The following LANCL2 variants were observed in gnomAD, a reference collection of about 807,000 sequenced individuals.
The protein encoded by LANCL2 is LanC like glutathione S-transferase 2.
LANCL2 carries 33 observed loss-of-function variants against 56.9 expected under a neutral mutation model. The ratio of observed to expected loss-of-function variants is 0.58; its 90% CI spans 0.44 to 0.78. The LOEUF is 0.78. Ranked by LOEUF, LANCL2 falls within the 30% of genes least tolerant of loss-of-function variation. The pLI is 0.00. For missense variants in LANCL2, 562 were observed against 580.2 expected (o/e 0.97, Z 0.32); for synonymous variants, 233 against 228.2 (o/e 1.02, Z -0.19).
In LANCL2 at chr7:55,401,769, C is replaced by G. The variant is rs564911268; in HGVS notation, c.825+449C>G. ...TAACGAGCATGCTGCCTTCAAGCAT[C>G]TTGTTTAACAAAGCACATCTTGCAC... is the stretch of plus-strand genomic sequence containing the variant. On this transcript the variant is annotated intron_variant, in intron 5 of 8. Coordinates refer to ENST00000254770, the MANE Select transcript of LANCL2 (RefSeq NM_018697.4). 1.5e-4 allele frequency among the ~76,000 whole-genome samples: 17 copies of G among 115,634 alleles called. 1 individual carries two copies. The South Asian group carries it at 4.3e-3, about 29-fold the overall frequency. The allele number at this position is 115,634 out of a possible 152,430, so 75.9% of individuals were successfully genotyped here.
At chr7:55,378,849 T>G (rs2128991562) in intron 1 of LANCL2, among the ~76,000 whole-genome samples, 1 of 152,298 alleles carries the variant, frequency 6.6e-6, no homozygotes, top group East Asian at 1.9e-4. Flanking sequence ...TATACTCCAG[T>G]AGGCTGGGCG....
intron 6 of LANCL2, among the ~76,000 whole-genome samples, chr7:55,423,529 C>T (rs1790630870): frequency 6.6e-6 from 1 of 152,180 alleles, no homozygotes; most frequent in Non-Finnish European, 1.5e-5. Flanking sequence ...CTTTACAGTT[C>T]ATTTTCAGAG....
chr7:55,400,242 C>T (rs750693862), intron 4 of LANCL2, 138 bp downstream of exon 4: 24 of 631,112 alleles, frequency 3.8e-5, no homozygotes, highest in Non-Finnish European at 5.1e-5. Context: ...AAGAAATAGT[C>T]CCTGCTTTTT....
intron 6 of LANCL2, among the ~76,000 whole-genome samples, chr7:55,412,391 A>G (rs1405346750): frequency 6.6e-6 from 1 of 152,228 alleles, no homozygotes; most frequent in African/African-American, 2.4e-5. Flanking sequence ...ATGGATATCC[A>G]GTAAGGTAGT....
chr7:55,377,493 G>A (rs184951924), intron 1 of LANCL2, among the ~76,000 whole-genome samples: 3 of 149,058 alleles, frequency 2.0e-5, no homozygotes, highest in Admixed American at 1.3e-4. Flanking sequence ...CTTCTGTCTC[G>A]TCTTCCCAAC....
At chr7:55,425,789 G>A (rs929123014) in intron 7 of LANCL2, among the ~76,000 whole-genome samples, 3 of 152,208 alleles carry the variant, frequency 2.0e-5, no homozygotes, top group African/African-American at 7.2e-5. Context: ...TCCTAAGGAT[G>A]TTCCAAGCAG....
intron 6 of LANCL2, among the ~76,000 whole-genome samples, chr7:55,418,126 ATATGT>A (rs1255888862): frequency 6.6e-6 from 1 of 151,282 alleles, no homozygotes; most frequent in Non-Finnish European, 1.5e-5. Flanking sequence ...TTATTCCTAG[ATATGT>A]TATTTATTTA....
chr7:55,408,331 A>G (rs1790433374), intron 5 of LANCL2, among the ~76,000 whole-genome samples: 1 of 152,194 alleles, frequency 6.6e-6, no homozygotes, highest in Non-Finnish European at 1.5e-5. Context: ...GGGAGAACAC[A>G]CAATAGGAGG....
At chr7:55,431,179 C>A in intron 8 of LANCL2, 47 bp from the exon 9 acceptor site, 1 of 1,397,922 alleles carries the variant, frequency 7.2e-7, no homozygotes, top group Non-Finnish European at 1.0e-6. Context: ...CTGTTATAGA[C>A]ACTACCCTTA....
chr7:55,393,010 A>T (rs1015815051), intron 2 of LANCL2, among the ~76,000 whole-genome samples: 1 of 152,194 alleles, frequency 6.6e-6, no homozygotes, highest in African/African-American at 2.4e-5. Context: ...AACAACCAAT[A>T]ATACACTTCA....
At chr7:55,396,231 C>A (rs1278505344) in intron 2 of LANCL2, among the ~76,000 whole-genome samples, 1 of 151,664 alleles carries the variant, frequency 6.6e-6, no homozygotes, top group African/African-American at 2.4e-5. Flanking sequence ...TGAACTTTAC[C>A]TCTAGGAGCT....
At chr7:55,405,937 G>C (rs1790401125) in intron 5 of LANCL2, among the ~76,000 whole-genome samples, 1 of 152,170 alleles carries the variant, frequency 6.6e-6, no homozygotes, top group South Asian at 2.1e-4. Context: ...CTTCCCTGCT[G>C]CACGGTTCGT....
At position 55,425,402 on chromosome 7, in the gene LANCL2, A is replaced by C; in HGVS notation, c.1157A>C (p.Asp386Ala). 1 of 1,614,106 alleles carries C rather than the reference A, an allele frequency of 6.2e-7. No homozygotes were observed. Among genetic ancestry groups the C allele is most frequent in the Non-Finnish European group, 8.5e-7 (1 of 1,179,996 alleles). The change falls in exon 7 of 9, where the codon GAT becomes GCT. Residue 386 changes from aspartate to alanine, a missense_variant. Coordinates refer to ENST00000254770, the MANE Select transcript of LANCL2 (RefSeq NM_018697.4). Reference sequence around the variant, plus strand: ...CTGTCCCTTTACCGTCTCACGCAGGATAAGAAGTACCTCTACCGAGCTTGC... The same window carrying C: ...CTGTCCCTTTACCGTCTCACGCAGGCTAAGAAGTACCTCTACCGAGCTTGC... The part of the protein sequence containing the change: ...SFLSLYRLTQ[D>A]KKYLYRACKF...
At chr7:55,404,860 C>T (rs1790387123) in intron 5 of LANCL2, among the ~76,000 whole-genome samples, 1 of 152,152 alleles carries the variant, frequency 6.6e-6, no homozygotes, top group African/African-American at 2.4e-5. Context: ...GTGATCCACC[C>T]ACCTCAGCCT....
At chr7:55,366,519 C>G (rs1159941367) in intron 1 of LANCL2, among the ~76,000 whole-genome samples, 1 of 152,206 alleles carries the variant, frequency 6.6e-6, no homozygotes, top group African/African-American at 2.4e-5. Flanking sequence ...GCAATGCGGG[C>G]TTGTGCACTC....
rs942002751 is a variant in LANCL2, at chr7:55,432,657, C to G, written c.*1337C>G. On this transcript the variant is annotated 3_prime_UTR_variant, in exon 9 of 9. Transcript: ENST00000254770. ...CTGAGCATTTCCCAGCCCCAGTGTC[C>G]ACACCTCTCAGAAAAGAGAAAAAAG... 1 of 152,144 alleles carries G rather than the reference C, an allele frequency of 6.6e-6. No individual in the cohort carries two copies. Among genetic ancestry groups the G allele is most frequent in the African/African-American group, 2.4e-5 (1 of 41,412 alleles). 9.4% of individuals were successfully genotyped at this position (152,144 alleles called of 1,614,324 possible).
chr7:55,383,957 CT>C (rs1287408247), intron 1 of LANCL2, among the ~76,000 whole-genome samples: 1 of 152,166 alleles, frequency 6.6e-6, no homozygotes, highest in African/African-American at 2.4e-5. Flanking sequence ...GGTCAGATCT[CT>C]TTCACTGTCA....
chr7:55,426,365 T>G (rs1260037857), intron 7 of LANCL2, among the ~76,000 whole-genome samples: 2 of 152,244 alleles, frequency 1.3e-5, no homozygotes, highest in African/African-American at 4.8e-5. Flanking sequence ...ATGTACACAT[T>G]TCACAAAATG....
chr7:55,425,592 C>T (rs1424491147), intron 7 of LANCL2, among the ~76,000 whole-genome samples, 162 bp downstream of exon 7: 1 of 152,150 alleles, frequency 6.6e-6, no homozygotes, highest in East Asian at 1.9e-4. Flanking sequence ...TTCTCTGGGC[C>T]ACAGTGTCCC....
Sources: gnomAD v4.1 joint callset for allele counts (sites outside exome capture counted in the v4.1 genomes callset) on GRCh38, gnomAD v4.1.1 for gene constraint, MANE v1.5 for transcripts, NCBI Gene and HGNC (gene_info 2026-07-23, HGNC 2026-07-21) for gene names.